The following APAF1 variants were observed in gnomAD, a reference collection of about 807,000 sequenced individuals.
APAF1 encodes apoptotic peptidase activating factor 1, also known as apoptotic protease-activating factor 1.
Under a neutral mutation model 152.4 loss-of-function variants are expected in APAF1, and 91 were observed. The observed-to-expected ratio is 0.60, with a 90% CI of 0.50 to 0.71. The LOEUF (loss-of-function observed/expected upper bound fraction) is 0.71, where lower values mean the gene tolerates loss of function less well. Ranked by LOEUF, APAF1 falls within the 30% of genes least tolerant of loss-of-function variation. The probability of loss-of-function intolerance (pLI) is 0.00; values close to 1 mark genes in which losing one functional copy is unlikely to be tolerated. For synonymous variants in APAF1, 484 were observed against 494.1 expected, an observed-to-expected ratio of 0.98 and a Z score of 0.27; for missense variants, 1,283 against 1,472.0, an observed-to-expected ratio of 0.87 and a Z score of 2.10.
At chr12:98,697,168 T>C (rs973744058) in intron 16 of APAF1, among the ~76,000 whole-genome samples, 6 of 152,234 alleles carry the variant, frequency 3.9e-5, no homozygotes, top group Admixed American at 3.9e-4. Flanking sequence ...CTTTTTGATG[T>C]TGAAATTCTC....
intron 22 of APAF1, among the ~76,000 whole-genome samples, chr12:98,716,648 G>A (rs1279704053): frequency 2.0e-5 from 3 of 152,112 alleles, no homozygotes; most frequent in African/African-American, 4.8e-5. Context: ...TGTGTTGTTA[G>A]TTTTTATTCA....
intron 24 of APAF1, among the ~76,000 whole-genome samples, chr12:98,725,164 G>A (rs1171954558): frequency 6.6e-6 from 1 of 152,186 alleles, no homozygotes; most frequent in Non-Finnish European, 1.5e-5. Flanking sequence ...CTGATTCAGT[G>A]TTCTTCTGTC....
At position 98,724,348 on chromosome 12, in the gene APAF1, G is replaced by T. The variant is rs527716851; in HGVS notation, c.3330+584G>T. Among the ~76,000 whole-genome samples, 9 of 152,222 alleles carry T rather than the reference G, an allele frequency of 5.9e-5. No individual in the cohort carries two copies. The East Asian group carries it at 1.7e-3, about 29-fold the overall frequency. On this transcript the variant is annotated intron_variant, in intron 24 of 26. Coordinates refer to ENST00000551964, the MANE Select transcript of APAF1 (RefSeq NM_181861.2). ...CCTCCTCCACTGGTGAACTGTCCCA[G>T]CATCCTGCCTCTGGTCTGCACCTCT...
In APAF1 at chr12:98,713,953, T is replaced by C. The variant is rs61932043; in HGVS notation, c.2959-1474T>C. 7.8e-3 allele frequency among the ~76,000 whole-genome samples: 1,192 copies of C among 152,334 alleles called. 12 individuals are homozygous for C. The highest frequency in any genetic ancestry group is 0.02 in the Middle Eastern group (6 of 294). On this transcript the variant is annotated intron_variant, in intron 21 of 26. Coordinates refer to ENST00000551964, the MANE Select transcript of APAF1 (RefSeq NM_181861.2). ...GATTGAGAGTTCAGGCTTTGTTTTCTCTTTATTATTGTGAAAAATTTATTT... is the reference window on the plus strand; with the variant it reads ...GATTGAGAGTTCAGGCTTTGTTTTCCCTTTATTATTGTGAAAAATTTATTT...
At chr12:98,677,211 T>C (rs1054647080) in intron 12 of APAF1, among the ~76,000 whole-genome samples, 6 of 152,234 alleles carry the variant, frequency 3.9e-5, no homozygotes, top group Non-Finnish European at 8.8e-5. Context: ...GGTTGCTTGA[T>C]AAAGGGTAAC....
At position 98,680,357 on chromosome 12, in the gene APAF1, A is replaced by G; in HGVS notation, c.2001A>G (p.Thr667=). The part of the protein sequence containing the change: ...EDEVLCCAFS[T]DDRFIATCSV... ...AAGTGCTTTGTTGTGCATTCTCTAC[A>G]GATGACAGATTTATAGCAACCTGCT... Residue 667 remains threonine, a synonymous_variant, in exon 14 of 27, where the codon ACA becomes ACG. Transcript: ENST00000551964. 1 of 1,613,834 alleles carries G rather than the reference A, an allele frequency of 6.2e-7. No homozygotes were observed. The highest frequency in any genetic ancestry group is 8.5e-7 in the Non-Finnish European group (1 of 1,179,956).
rs747369160 is a variant in APAF1, at chr12:98,659,315, C to T, written c.682C>T (p.Arg228Cys). 66 of 1,614,066 alleles carry T rather than the reference C, an allele frequency of 4.1e-5. No homozygotes were observed. The highest frequency in any genetic ancestry group is 1.8e-4 in the Admixed American group (11 of 60,006). Residue 228 changes from arginine to cysteine, a missense_variant, in exon 5 of 27, where the codon CGC becomes TGC. By Grantham distance (180) the Arg-to-Cys change is radical. Coordinates refer to ENST00000551964, the MANE Select transcript of APAF1 (RefSeq NM_181861.2). Reference sequence around the variant, plus strand: ...TATTGAAGAGGCTAAAGACCGTCTCCGCATTCTGATGCTTCGCAAACACCC... The same window carrying T: ...TATTGAAGAGGCTAAAGACCGTCTCTGCATTCTGATGCTTCGCAAACACCC... ...LNIEEAKDRL[R>C]ILMLRKHPRS...
chr12:98,648,845 T>C (rs2097645536), intron 3 of APAF1, 30 bp downstream of exon 3: 1 of 1,601,602 alleles, frequency 6.2e-7, no homozygotes, highest in Non-Finnish European at 8.6e-7. Context: ...TCTATCACTT[T>C]GCTATCAAAA....
chr12:98,714,995 G>C (rs1398701678), intron 21 of APAF1, among the ~76,000 whole-genome samples: 5 of 145,572 alleles, frequency 3.4e-5, no homozygotes, highest in Non-Finnish European at 7.6e-5. Flanking sequence ...ATCTTTCCTT[G>C]TTTGTGTTGT....
At chr12:98,655,425 A>C (rs1220776911) in intron 4 of APAF1, among the ~76,000 whole-genome samples, 3 of 150,302 alleles carry the variant, frequency 2.0e-5, no homozygotes, top group African/African-American at 7.3e-5. Context: ...GGCGCCCCTC[A>C]CCTCCCGGAC....
chr12:98,659,281 T>G lies in APAF1; in HGVS notation c.648T>G (p.Leu216=), dbSNP rs760440119. 6.2e-7 allele frequency: 1 copy of G among 1,614,170 alleles called. No homozygotes were observed. Among genetic ancestry groups the G allele is most frequent in the South Asian group, 1.1e-5 (1 of 91,078 alleles). ...AGGATGAGAGTTTTTCCCAGAGGCT[T>G]CCACTTAATATTGAAGAGGCTAAAG... is the stretch of plus-strand genomic sequence containing the variant. ...LDQDESFSQR[L]PLNIEEAKDR... Residue 216 remains leucine (L), a synonymous_variant, in exon 5 of 27, where the codon CTT becomes CTG. Coordinates refer to ENST00000551964, the MANE Select transcript of APAF1 (RefSeq NM_181861.2).
chr12:98,695,362 C>CCCCT (rs532047525), intron 16 of APAF1, among the ~76,000 whole-genome samples: 1 of 141,828 alleles, frequency 7.1e-6, no homozygotes, highest in African/African-American at 2.5e-5. Context: ...CGCCCCCCCC[C>CCCCT]TTTTTTTTTT....
chr12:98,717,172 G>A (rs1237383926), intron 22 of APAF1, among the ~76,000 whole-genome samples: 2 of 151,120 alleles, frequency 1.3e-5, no homozygotes, highest in South Asian at 2.1e-4. Flanking sequence ...CTGGCCTACT[G>A]TGCTCTATTT....
intron 25 of APAF1, among the ~76,000 whole-genome samples, chr12:98,725,947 C>A (rs1188468354): frequency 2.0e-5 from 3 of 152,254 alleles, no homozygotes; most frequent in Admixed American, 6.5e-5. Flanking sequence ...AAGAAAAGAT[C>A]TCTTTAGCAC....
chr12:98,654,840 T>A (rs1475437946), intron 4 of APAF1, among the ~76,000 whole-genome samples: 2 of 145,452 alleles, frequency 1.4e-5, no homozygotes, highest in African/African-American at 5.0e-5. Context: ...TTTTTTAATT[T>A]ATTTTTTTAT....
chr12:98,691,406 C>T (rs2097704070), intron 16 of APAF1, among the ~76,000 whole-genome samples: 2 of 152,014 alleles, frequency 1.3e-5, no homozygotes, highest in Admixed American at 1.3e-4. Flanking sequence ...ACCTTTGATT[C>T]TTCCTTGATT....
intron 23 of APAF1, 59 bp from the exon 24 acceptor site, chr12:98,723,577 CTTT>C: frequency 6.9e-7 from 1 of 1,442,906 alleles, no homozygotes; most frequent in Non-Finnish European, 9.5e-7. Context: ...GCTGATTATG[CTTT>C]TTAATATAAA....
chr12:98,732,625 A>G lies in APAF1; in HGVS notation c.*59A>G. The G allele has an allele frequency of 1.7e-6, 2 of 1,175,500 alleles. No individual in the cohort carries two copies. The highest frequency in any genetic ancestry group is 1.5e-5 in the African/African-American group (1 of 64,922). 72.8% of individuals were successfully genotyped at this position (1,175,500 alleles called of 1,614,324 possible). Reference sequence around the variant, plus strand: ...AATTTTTGAATTGGAAAAAAATTCTAATGAAACCCTGATATCAACTTTTTA... The same window carrying G: ...AATTTTTGAATTGGAAAAAAATTCTGATGAAACCCTGATATCAACTTTTTA... On this transcript the variant is annotated 3_prime_UTR_variant, in exon 27 of 27. Transcript: ENST00000551964.
At chr12:98,659,373 C>T (rs1038351912) in intron 5 of APAF1, 30 bp downstream of exon 5, 2 of 1,609,126 alleles carry the variant, frequency 1.2e-6, no homozygotes, top group Non-Finnish European at 1.7e-6. Flanking sequence ...GTTGGTGTGT[C>T]AGGTCCCATG....
Sources: allele counts gnomAD v4.1 joint callset (sites outside exome capture counted in the v4.1 genomes callset), GRCh38; gene constraint gnomAD v4.1.1; transcripts MANE v1.5; gene names NCBI Gene and HGNC (gene_info 2026-07-23, HGNC 2026-07-21).